KRABD2: variants seen among roughly 807,000 people sequenced by gnomAD.
The protein encoded by KRABD2 is KRAB domain-containing protein 2.
At chr17:8,370,271 C>T in the KRABD2 span, 1 of 1,613,084 alleles carries the variant, frequency 6.2e-7, no homozygotes, top group East Asian at 2.2e-5. Flanking sequence ...TTGTTACACT[C>T]ATAAGAAACT....
the KRABD2 span, chr17:8,371,754 G>C: frequency 2.4e-6 from 3 of 1,275,844 alleles, no homozygotes; most frequent in Non-Finnish European, 3.0e-6. Context: ...TTGGGCGCAG[G>C]CTTGATGACT....
At chr17:8,368,919 G>A in the KRABD2 span, 3 of 749,240 alleles carry the variant, frequency 4.0e-6, no homozygotes, top group Admixed American at 3.6e-5. Context: ...TTACGGGCAT[G>A]AGCGCTGCGC....
chr17:8,361,775 C>T, the KRABD2 span, among the ~76,000 whole-genome samples: 4 of 151,104 alleles, frequency 2.6e-5, no homozygotes, highest in African/African-American at 9.6e-5. Context: ...CTCAAGCAAT[C>T]CTCCTGCCTC....
chr17:8,364,453 A>C, the KRABD2 span, among the ~76,000 whole-genome samples: 3 of 152,120 alleles, frequency 2.0e-5, no homozygotes, highest in Non-Finnish European at 2.9e-5. This position sits in a 1 kb window ranked among gnomAD's most constrained non-coding sequence, Gnocchi z 4.4. Context: ...CCCAGGTTCA[A>C]GTGATCCTCC....
At chr17:8,371,557 C>T in the KRABD2 span, 6 of 1,566,806 alleles carry the variant, frequency 3.8e-6, no homozygotes, top group Middle Eastern at 1.7e-4. Flanking sequence ...ACTCTGAAAG[C>T]GAGTCAGGTG....
the KRABD2 span, chr17:8,369,047 A>C: frequency 1.9e-5 from 29 of 1,510,756 alleles, no homozygotes; most frequent in Non-Finnish European, 2.5e-5. Flanking sequence ...GCAGCCTTCA[A>C]TCTTTTCCTC....
the KRABD2 span, among the ~76,000 whole-genome samples, chr17:8,374,146 A>G: frequency 6.6e-6 from 1 of 152,252 alleles, no homozygotes; most frequent in Non-Finnish European, 1.5e-5. Context: ...CTCATTGAGG[A>G]CGGGCCATGG....
the KRABD2 span, chr17:8,371,315 G>A: frequency 2.5e-6 from 4 of 1,603,778 alleles, no homozygotes; most frequent in Non-Finnish European, 3.4e-6. Context: ...TTACCCTGTG[G>A]GACCGTGTTC....
At chr17:8,367,956 GCAA>G in the KRABD2 span, among the ~76,000 whole-genome samples, 1 of 108,300 alleles carries the variant, frequency 9.2e-6, no homozygotes, top group Non-Finnish European at 1.9e-5. Context: ...AAAGTTAAGA[GCAA>G]AAAAAAAAAA....
At chr17:8,374,937 C>CAAAA in the KRABD2 span, among the ~76,000 whole-genome samples, 447 of 46,188 alleles carry the variant, frequency 9.7e-3, 76 homozygotes, top group African/African-American at 0.012. Context: ...GACTCTGTCA[C>CAAAA]AAAAAAAAAA....
the KRABD2 span, among the ~76,000 whole-genome samples, chr17:8,361,178 T>C: frequency 6.6e-6 from 1 of 152,178 alleles, no homozygotes; most frequent in Non-Finnish European, 1.5e-5. Flanking sequence ...AAAGCATTCA[T>C]CTCTAAGTCT....
At chr17:8,362,319 G>T in the KRABD2 span, among the ~76,000 whole-genome samples, 1 of 149,600 alleles carries the variant, frequency 6.7e-6, no homozygotes, top group African/African-American at 2.5e-5. The surrounding 1 kb of genome is among the most constrained non-coding windows in gnomAD (Gnocchi z 4.2). Context: ...GACAGAGGAA[G>T]ATTCCATCTC....
At chr17:8,375,065 G>C in the KRABD2 span, among the ~76,000 whole-genome samples, 422 of 151,222 alleles carry the variant, frequency 2.8e-3, 5 homozygotes, top group East Asian at 0.03. Context: ...AGGCTGGAGT[G>C]CAGTGGCGCG....
chr17:8,360,757 AAAAC>A, the KRABD2 span, among the ~76,000 whole-genome samples: 38 of 152,332 alleles, frequency 2.5e-4, no homozygotes, highest in African/African-American at 7.7e-4. Context: ...CAAACTAAAA[AAAAC>A]AAACAAAACA....
At chr17:8,373,281 T>C in the KRABD2 span, among the ~76,000 whole-genome samples, 3 of 152,168 alleles carry the variant, frequency 2.0e-5, no homozygotes, top group Admixed American at 6.5e-5. Flanking sequence ...CCTGCCTGAT[T>C]CTCCTGCCTC....
chr17:8,372,904 TAAAA>T, the KRABD2 span, among the ~76,000 whole-genome samples: 6 of 149,704 alleles, frequency 4.0e-5, no homozygotes, highest in Non-Finnish European at 8.9e-5. The surrounding 1 kb of genome is among the most constrained non-coding windows in gnomAD (Gnocchi z 4.1). Flanking sequence ...TCTCTAAAAA[TAAAA>T]AAAAGAAAAA....
the KRABD2 span, among the ~76,000 whole-genome samples, chr17:8,362,439 A>G: frequency 1.3e-5 from 2 of 152,190 alleles, no homozygotes; most frequent in East Asian, 3.8e-4. The surrounding 1 kb of genome is among the most constrained non-coding windows in gnomAD (Gnocchi z 4.2). Context: ...TGGAAGATTC[A>G]CTAGGTGGGT....
At chr17:8,375,853 A>T in the KRABD2 span, 1 of 1,212,478 alleles carries the variant, frequency 8.2e-7, no homozygotes, top group Non-Finnish European at 1.0e-6. Flanking sequence ...AGTTGGTCAG[A>T]GAAAACTGGA....
chr17:8,367,673 A>C, the KRABD2 span, among the ~76,000 whole-genome samples: 2 of 151,788 alleles, frequency 1.3e-5, no homozygotes, highest in Admixed American at 6.6e-5. Flanking sequence ...AAAAAAAAAA[A>C]AAAAAAACAA....
Sources: gnomAD v4.1 joint callset for allele counts (sites outside exome capture counted in the v4.1 genomes callset) on GRCh38, gnomAD v4.1.1 for gene constraint, Gnocchi (gnomAD v3.1) non-coding constraint, MANE v1.5 for transcripts, NCBI Gene and HGNC (gene_info 2026-07-23, HGNC 2026-07-21) for gene names.